Variants in MROH1 observed in about 807,000 individuals in gnomAD.
The protein encoded by MROH1 is maestro heat-like repeat-containing protein family member 1.
In MROH1, 117 loss-of-function variants were observed where a neutral mutation model predicts 116.5. That is an observed-to-expected ratio of 1.00 (90% CI 0.86 to 1.17). The LOEUF (loss-of-function observed/expected upper bound fraction) is 1.17, where lower values mean the gene tolerates loss of function less well. MROH1 is among the 50% of genes most tolerant of loss of function. The pLI is 0.00. For missense variants in MROH1, 1,873 were observed against 1,338.5 expected (o/e 1.40, Z -6.23); for synonymous variants, 921 against 583.9 (o/e 1.58, Z -8.32).
Position 144,260,353 on chromosome 8 carries a change from C to A in MROH1, c.4359C>A (p.Arg1453=). Reference sequence around the variant, plus strand: ...CAGGGCTGCTGCACGTGGCCATCCGCATCCGGCCTTTCTTCGACAGTGTAG... The same window carrying A: ...CAGGGCTGCTGCACGTGGCCATCCGAATCCGGCCTTTCTTCGACAGTGTAG... ...LRSGLLHVAI[R]IRPFFDSEKM... The change falls in exon 39 of 44, where the codon CGC becomes CGA. Residue 1453 remains arginine (R), a synonymous_variant. Transcript: ENST00000326134. 1 of 727,950 alleles carries A rather than the reference C, an allele frequency of 1.4e-6. No individual in the cohort carries two copies. Among genetic ancestry groups the A allele is most frequent in the Non-Finnish European group, 2.5e-6 (1 of 397,432 alleles). 45.1% of individuals were successfully genotyped at this position (727,950 alleles called of 1,614,324 possible).
chr8:144,175,430 A>G, intron 4 of MROH1: 1 of 918,034 alleles, frequency 1.1e-6, no homozygotes, highest in Non-Finnish European at 1.3e-6. Context: ...CAGCTCAGCC[A>G]TGCTCTGACT....
intron 12 of MROH1, chr8:144,213,438 C>CA (rs1320300864): frequency 4.3e-6 from 1 of 232,712 alleles, no homozygotes; most frequent in African/African-American, 2.3e-5. Flanking sequence ...CCAGATTTAG[C>CA]AAAAACAAAT....
chr8:144,149,478 T>C (rs1216739309), intron 1 of MROH1, among the ~76,000 whole-genome samples: 2 of 152,038 alleles, frequency 1.3e-5, no homozygotes, highest in Non-Finnish European at 2.9e-5. Flanking sequence ...CTGTGGGGCA[T>C]GTGCTTGCCT....
chr8:144,179,747 G>C (rs1012334526), intron 5 of MROH1, among the ~76,000 whole-genome samples, 161 bp downstream of exon 5: 3 of 152,184 alleles, frequency 2.0e-5, no homozygotes, highest in Non-Finnish European at 4.4e-5. Context: ...TGCAGGGGTG[G>C]GGGGTGGTCC....
At chr8:144,217,151 T>TA (rs941858332) in intron 12 of MROH1, among the ~76,000 whole-genome samples, 3 of 152,064 alleles carry the variant, frequency 2.0e-5, no homozygotes, top group African/African-American at 4.8e-5. Context: ...TCTCATCACT[T>TA]AAAAAAACGA....
chr8:144,165,770 A>G (rs1587805032), intron 3 of MROH1, among the ~76,000 whole-genome samples: 1 of 129,226 alleles, frequency 7.7e-6, no homozygotes. Flanking sequence ...TTTTGTAGAG[A>G]CGGGGTTTCA....
chr8:144,233,499 A>G (rs1331637202), intron 14 of MROH1, among the ~76,000 whole-genome samples: 2 of 135,996 alleles, frequency 1.5e-5, no homozygotes, highest in East Asian at 4.4e-4. Flanking sequence ...GCACCCCACC[A>G]TCCACCTTCT....
chr8:144,166,146 T>C (rs1820779716), intron 3 of MROH1, among the ~76,000 whole-genome samples: 1 of 152,188 alleles, frequency 6.6e-6, no homozygotes, highest in East Asian at 1.9e-4. Context: ...CCCAAAGTGC[T>C]AGGATTACAG....
intron 4 of MROH1, among the ~76,000 whole-genome samples, chr8:144,176,508 C>T (rs1321131935): frequency 6.9e-6 from 1 of 145,196 alleles, no homozygotes; most frequent in Non-Finnish European, 1.5e-5. Context: ...GCACTCTAGC[C>T]TGGGTGATGG....
intron 7 of MROH1, among the ~76,000 whole-genome samples, chr8:144,181,245 C>T (rs949950349): frequency 4.2e-4 from 18 of 43,100 alleles, no homozygotes; most frequent in East Asian, 6.2e-4. Flanking sequence ...GGCCGGGGGC[C>T]GTTAGTTCCA....
chr8:144,199,603 G>A (rs2131791278), intron 11 of MROH1, among the ~76,000 whole-genome samples: 1 of 152,272 alleles, frequency 6.6e-6, no homozygotes, highest in South Asian at 2.1e-4. Flanking sequence ...CCACCTGGAG[G>A]TGCCATGCAT....
chr8:144,166,603 G>A (rs931264007), intron 3 of MROH1, among the ~76,000 whole-genome samples: 7 of 152,164 alleles, frequency 4.6e-5, no homozygotes, highest in African/African-American at 1.7e-4. Context: ...CCACTGTTGG[G>A]TGCCATGTCT....
intron 13 of MROH1, 89 bp downstream of exon 13, chr8:144,220,762 A>G (rs1836548455): frequency 8.5e-7 from 1 of 1,178,782 alleles, no homozygotes; most frequent in Non-Finnish European, 1.2e-6. Flanking sequence ...TCACCCACCA[A>G]CCAGGCGGCC....
At chr8:144,158,303 T>C (rs1818671146) in intron 1 of MROH1, among the ~76,000 whole-genome samples, 1 of 152,076 alleles carries the variant, frequency 6.6e-6, no homozygotes, top group African/African-American at 2.4e-5. Context: ...AATTTTTCTA[T>C]TTTTAGTAGA....
At chr8:144,227,881 G>A (rs1398897976) in intron 14 of MROH1, among the ~76,000 whole-genome samples, 2 of 148,540 alleles carry the variant, frequency 1.3e-5, no homozygotes, top group South Asian at 4.3e-4. Flanking sequence ...TGAGCCCAGG[G>A]AGTCGAGGCT....
chr8:144,212,420 G>C (rs535827438), intron 12 of MROH1, among the ~76,000 whole-genome samples: 4 of 151,914 alleles, frequency 2.6e-5, no homozygotes, highest in Non-Finnish European at 5.9e-5. Context: ...TCTGTTTCTG[G>C]AGGGCTCATT....
Position 144,163,772 on chromosome 8 carries a change from T to C in MROH1, c.-55T>C, listed in dbSNP as rs1234685897. On this transcript the variant is annotated splice_region_variant and 5_prime_UTR_variant, in exon 3 of 44. The change abolishes an upstream ATG in the 5' untranslated region. Coordinates refer to ENST00000326134, the MANE Select transcript of MROH1 (RefSeq NM_032450.3). This position sits in a 1 kb window ranked among gnomAD's most constrained non-coding sequence, Gnocchi z 4.4. ...ATCTTGTGATTTTGGTTATTCCAGA[T>C]GGGAGAAGAAGTTGTCCATGTTCAC... is the stretch of plus-strand genomic sequence containing the variant. The C allele has an allele frequency of 2.4e-5, 38 of 1,603,490 alleles. No individual in the cohort carries two copies. The highest frequency in any genetic ancestry group is 2.8e-5 in the Non-Finnish European group (33 of 1,172,158).
Position 144,168,451 on chromosome 8 carries a change from T to C in MROH1, c.168+11T>C. ...CGGCAGCATGACAAGGTATGTGTGC[T>C]CCTTGGTGGGGATGATGTTGTCAGG... is the stretch of plus-strand genomic sequence containing the variant. On this transcript the variant is annotated intron_variant, in intron 4 of 43. Transcript: ENST00000326134. The C allele has an allele frequency of 1.3e-6, 2 of 1,593,946 alleles. No homozygotes were observed. The highest frequency in any genetic ancestry group is 8.5e-7 in the Non-Finnish European group (1 of 1,169,882).
intron 32 of MROH1, among the ~76,000 whole-genome samples, 200 bp from the exon 33 acceptor site, chr8:144,250,012 A>G (rs975074492): frequency 1.3e-5 from 2 of 152,152 alleles, no homozygotes; most frequent in Non-Finnish European, 2.9e-5. Context: ...CGCAGAATCC[A>G]GGTCGTGGCT....
Sources: gnomAD v4.1 joint callset for allele counts (sites outside exome capture counted in the v4.1 genomes callset) on GRCh38, gnomAD v4.1.1 for gene constraint, Gnocchi (gnomAD v3.1) non-coding constraint, MANE v1.5 for transcripts, NCBI Gene and HGNC (gene_info 2026-07-23, HGNC 2026-07-21) for gene names.